Variants in TNFRSF8 observed in about 807,000 individuals in gnomAD.
The protein encoded by TNFRSF8 is TNF receptor superfamily member 8, also known as tumor necrosis factor receptor superfamily member 8.
A neutral mutation model predicts 70.8 loss-of-function variants in TNFRSF8; 26 were observed. The ratio of observed to expected loss-of-function variants is 0.37; its 90% confidence interval spans 0.27 to 0.51. The LOEUF (loss-of-function observed/expected upper bound fraction) is 0.51, where lower values mean the gene tolerates loss of function less well. TNFRSF8 is among the 20% of genes least tolerant of loss of function. The probability of loss-of-function intolerance (pLI) is 0.94; values close to 1 mark genes in which losing one functional copy is unlikely to be tolerated. For missense variants in TNFRSF8, 720 were observed against 807.9 expected (o/e 0.89, Z 1.32); for synonymous variants, 356 against 339.2 (o/e 1.05, Z -0.54).
At chr1:12,114,472 C>T (rs1050415794) in intron 7 of TNFRSF8, among the ~76,000 whole-genome samples, 1 of 152,114 alleles carries the variant, frequency 6.6e-6, no homozygotes, top group Non-Finnish European at 1.5e-5. Context: ...AAGAGACTGT[C>T]CAGCCCTTAT....
Position 12,108,078 on chromosome 1 carries a change from TTTTA to T in TNFRSF8, c.422-1484_422-1481del, listed in dbSNP as rs1272353477. 2.6e-5 allele frequency among the ~76,000 whole-genome samples: 4 copies of T among 151,222 alleles called. No individual in the cohort carries two copies. The East Asian group carries it at 7.8e-4, about 29-fold the overall frequency. ...GTCCCACACATACAGGCCACCATTTTTTTATTTTTTTTTTTTTTGTGATGGAGCC... is the reference window on the plus strand; with the variant it reads ...GTCCCACACATACAGGCCACCATTTTTTTTTTTTTTTTTTGTGATGGAGCC... On this transcript the variant is annotated intron_variant, in intron 4 of 14. Coordinates refer to ENST00000263932, the MANE Select transcript of TNFRSF8 (RefSeq NM_001243.5). The surrounding 1 kb of genome is among the most constrained non-coding windows in gnomAD (Gnocchi z 4.0).
At chr1:12,096,421 A>G (rs1641331304) in intron 2 of TNFRSF8, among the ~76,000 whole-genome samples, 1 of 84,460 alleles carries the variant, frequency 1.2e-5, no homozygotes, top group Non-Finnish European at 2.5e-5. Context: ...ATAGCTGATG[A>G]GCTAAAAAAA....
Position 12,110,290 on chromosome 1 carries a change from G to T in TNFRSF8, c.676+86G>T. The T allele has an allele frequency of 7.3e-7, 1 of 1,369,138 alleles. No homozygotes were observed. Among genetic ancestry groups the T allele is most frequent in the South Asian group, 1.5e-5 (1 of 68,032 alleles). 84.8% of individuals were successfully genotyped at this position (1,369,138 alleles called of 1,614,324 possible). ...TGAGTGGGGGTGTTTGGAGCAGGCG[G>T]GCAGTGATCTGTGGTCTTTTCCTGG... On this transcript the variant is annotated intron_variant, in intron 6 of 14. Coordinates refer to ENST00000263932, the MANE Select transcript of TNFRSF8 (RefSeq NM_001243.5). This position sits in a 1 kb window ranked among gnomAD's most constrained non-coding sequence, Gnocchi z 4.0.
chr1:12,111,850 C>G, intron 6 of TNFRSF8, 48 bp from the exon 7 acceptor site: 2 of 1,534,406 alleles, frequency 1.3e-6, no homozygotes, highest in East Asian at 2.2e-5. Context: ...GGGAGTGAGG[C>G]CTTTGCCAAG....
intron 3 of TNFRSF8, among the ~76,000 whole-genome samples, chr1:12,102,268 A>G (rs1303450835): frequency 6.6e-6 from 1 of 152,136 alleles, no homozygotes; most frequent in African/African-American, 2.4e-5. Flanking sequence ...TGGGGCTGCA[A>G]CAGTCTCTTT....
intron 13 of TNFRSF8, among the ~76,000 whole-genome samples, chr1:12,137,902 TC>T (rs2101047516): frequency 6.6e-6 from 1 of 152,298 alleles, no homozygotes; most frequent in Admixed American, 6.5e-5. Flanking sequence ...CTCAGTTTCC[TC>T]ATCTGTAAAA....
At chr1:12,096,873 T>C (rs560061511) in intron 2 of TNFRSF8, among the ~76,000 whole-genome samples, 4 of 152,308 alleles carry the variant, frequency 2.6e-5, no homozygotes, top group African/African-American at 7.2e-5. Context: ...CAGGCCCAGC[T>C]CTTCTCTATA....
intron 1 of TNFRSF8, among the ~76,000 whole-genome samples, chr1:12,074,284 CT>C (rs112610085): frequency 1.9e-3 from 280 of 144,524 alleles, no homozygotes; most frequent in Middle Eastern, 3.5e-3. Flanking sequence ...TTCTTTCTTT[CT>C]TTTTTTTTTT....
chr1:12,137,908 G>A (rs1642177038), intron 13 of TNFRSF8, among the ~76,000 whole-genome samples: 1 of 152,140 alleles, frequency 6.6e-6, no homozygotes, highest in South Asian at 2.1e-4. Flanking sequence ...TTCCTCATCT[G>A]TAAAATGGGG....
rs533235934 is a variant in TNFRSF8 at position 12,112,535 on chromosome 1, G to A, written c.793+521G>A. 3.3e-5 allele frequency among the ~76,000 whole-genome samples: 5 copies of A among 152,118 alleles called. No homozygotes were observed. The highest frequency in any genetic ancestry group is 6.5e-5 in the Admixed American group (1 of 15,270). On this transcript the variant is annotated intron_variant, in intron 7 of 14. Transcript: ENST00000263932. The surrounding 1 kb of genome is among the most constrained non-coding windows in gnomAD (Gnocchi z 5.3). Reference sequence around the variant, plus strand: ...CTTTCAAGTGGCTGGGACTATAGGTGCACACTACCATGCCTGGCTAATTAA... The same window carrying A: ...CTTTCAAGTGGCTGGGACTATAGGTACACACTACCATGCCTGGCTAATTAA...
rs542569550 is a variant in TNFRSF8, at chr1:12,139,624, C to T, written c.1543+1188C>T. Among the ~76,000 whole-genome samples the T allele has an allele frequency of 1.1e-4, 17 of 152,324 alleles. No individual in the cohort carries two copies. In the East Asian group the frequency reaches 1.9e-3, roughly 17 times the overall value. ...GGGCCTTGGTGGACCCCACCTCTGT[C>T]GCTTCTGGAAGGGTAACTGGCACTG... On this transcript the variant is annotated intron_variant, in intron 14 of 14. Transcript: ENST00000263932.
At chr1:12,064,511 T>A (rs1458213430) in intron 1 of TNFRSF8, among the ~76,000 whole-genome samples, 3 of 151,862 alleles carry the variant, frequency 2.0e-5, no homozygotes, top group African/African-American at 7.3e-5. Flanking sequence ...AGTGGATGCC[T>A]GCTGAATGAT....
At chr1:12,078,149 C>G (rs562863667) in intron 1 of TNFRSF8, among the ~76,000 whole-genome samples, 27 of 152,176 alleles carry the variant, frequency 1.8e-4, no homozygotes, top group African/African-American at 6.3e-4. Context: ...CGGGTGGTCA[C>G]TGTCAAGTCC....
At chr1:12,124,878 C>CAAAACAAAACAACA (rs148495171) in intron 10 of TNFRSF8, among the ~76,000 whole-genome samples, 1 of 141,856 alleles carries the variant, frequency 7.0e-6, no homozygotes, top group Non-Finnish European at 1.5e-5. Flanking sequence ...CAAAACAAAA[C>CAAAACAAAACAACA]AAACAAAACC....
At chr1:12,073,426 ATC>A (rs1275142889) in intron 1 of TNFRSF8, among the ~76,000 whole-genome samples, 20 of 147,664 alleles carry the variant, frequency 1.4e-4, no homozygotes, top group East Asian at 8.1e-4. Context: ...CACTATATCC[ATC>A]TCTCTCTCTC....
At chr1:12,129,427 A>G (rs1642005364) in intron 12 of TNFRSF8, among the ~76,000 whole-genome samples, 1 of 152,176 alleles carries the variant, frequency 6.6e-6, no homozygotes, top group South Asian at 2.1e-4. Flanking sequence ...CCCACAATGA[A>G]TTCTCAGGCC....
In TNFRSF8 at chr1:12,113,268, G is replaced by A. The variant is rs1036488840; in HGVS notation, c.793+1254G>A. The stretch of plus-strand genomic sequence containing the variant: ...GGTTCCCTTCCATGTCGGCCTCTTC[G>A]TGTCTTACCTGGGGCTTCCTCATGG... On this transcript the variant is annotated intron_variant, in intron 7 of 14. Transcript: ENST00000263932. The surrounding 1 kb of genome is among the most constrained non-coding windows in gnomAD (Gnocchi z 4.9). Among the ~76,000 whole-genome samples, 12 of 152,162 alleles carry A rather than the reference G, an allele frequency of 7.9e-5. No individual in the cohort carries two copies. The highest frequency in any genetic ancestry group is 1.2e-4 in the African/African-American group (5 of 41,434).
intron 12 of TNFRSF8, among the ~76,000 whole-genome samples, chr1:12,127,877 C>T (rs1461107516): frequency 6.6e-6 from 1 of 152,202 alleles, no homozygotes; most frequent in African/African-American, 2.4e-5. Context: ...AACACCTTCC[C>T]CTAAGAAGCC....
At chr1:12,091,060 T>A (rs1008418662) in intron 2 of TNFRSF8, among the ~76,000 whole-genome samples, 4 of 152,186 alleles carry the variant, frequency 2.6e-5, no homozygotes, top group African/African-American at 9.7e-5. Flanking sequence ...ACACAGTCCA[T>A]CTGTAAGTCA....
Sources: allele counts gnomAD v4.1 joint callset (sites outside exome capture counted in the v4.1 genomes callset), GRCh38; gene constraint gnomAD v4.1.1; non-coding constraint Gnocchi (gnomAD v3.1); transcripts MANE v1.5; gene names NCBI Gene and HGNC (gene_info 2026-07-23, HGNC 2026-07-21).